Variants in TAF15 observed in about 807,000 individuals in gnomAD.
TAF15 encodes the protein TATA-binding protein-associated factor 2N.
Under a neutral mutation model 102.5 loss-of-function variants are expected in TAF15, and 37 were observed. The observed-to-expected ratio is 0.36, with a 90% CI of 0.28 to 0.47. TAF15 has a LOEUF of 0.47. Ranked by LOEUF, TAF15 falls within the 20% of genes least tolerant of loss-of-function variation. The pLI is 0.99. For missense variants in TAF15, 652 were observed against 760.7 expected (o/e 0.86, Z 1.68); for synonymous variants, 273 against 259.2 (o/e 1.05, Z -0.51).
intron 11 of TAF15, among the ~76,000 whole-genome samples, chr17:35,840,308 G>T (rs2087528651): frequency 7.1e-6 from 1 of 141,466 alleles, no homozygotes; most frequent in Non-Finnish European, 1.5e-5. Context: ...CTGGAGTGCA[G>T]TGGCGCAATC....
At chr17:35,839,764 T>A (rs1174026387) in intron 11 of TAF15, among the ~76,000 whole-genome samples, 2 of 152,120 alleles carry the variant, frequency 1.3e-5, no homozygotes, top group Admixed American at 6.5e-5. Context: ...ACTGATAATA[T>A]TTCTTAATAA....
intron 15 of TAF15, among the ~76,000 whole-genome samples, chr17:35,845,614 G>C (rs148331165): frequency 6.6e-6 from 1 of 151,910 alleles, no homozygotes; most frequent in East Asian, 1.9e-4. Flanking sequence ...CTGGGTTCAC[G>C]CCATTCTGCC....
chr17:35,842,297 CTTT>C (rs2087557759), intron 11 of TAF15, 67 bp from the exon 12 acceptor site: 15 of 1,213,058 alleles, frequency 1.2e-5, no homozygotes, highest in Non-Finnish European at 1.7e-5. Context: ...ATTTCCAAGA[CTTT>C]TTCATTTTTG....
At chr17:35,826,144 C>T (rs529627047) in intron 7 of TAF15, among the ~76,000 whole-genome samples, 4 of 152,184 alleles carry the variant, frequency 2.6e-5, no homozygotes, top group African/African-American at 7.2e-5. Context: ...TAGATACTGA[C>T]TTATAAACTA....
intron 12 of TAF15, among the ~76,000 whole-genome samples, chr17:35,843,249 A>G (rs928222431): frequency 6.6e-6 from 1 of 151,872 alleles, no homozygotes; most frequent in Non-Finnish European, 1.5e-5. Flanking sequence ...TCAGCGTCCC[A>G]AGTAGCTGGG....
chr17:35,844,858 G>A lies in TAF15; in HGVS notation c.1559G>A (p.Gly520Glu). 1 of 1,606,700 alleles carries A rather than the reference G, an allele frequency of 6.2e-7. No individual in the cohort carries two copies. Among genetic ancestry groups the A allele is most frequent in the East Asian group, 2.2e-5 (1 of 44,794 alleles). The change falls in exon 15 of 16, where the codon GGA (glycine) becomes GAA (glutamate). Residue 520 changes from glycine (G) to glutamate (E), a missense_variant. Physicochemically the swap from Gly to Glu is moderately conservative, Grantham distance 98. Coordinates refer to ENST00000605844, the MANE Select transcript of TAF15 (RefSeq NM_139215.3). Reference protein sequence around the residue: ...GDRGGYGGDRGGYGGDRSRGG... With the variant: ...GDRGGYGGDREGYGGDRSRGG... ...CGAGGAGGTTATGGAGGAGATCGAG[G>A]AGGCTATGGAGGAGACAGAAGCCGG...
chr17:35,843,944 C>T (rs760062917), intron 12 of TAF15, 133 bp from the exon 13 acceptor site: 65 of 839,694 alleles, frequency 7.7e-5, no homozygotes, highest in Non-Finnish European at 1.3e-4. Flanking sequence ...ATTACAAAGT[C>T]CTGGTATAAG....
intron 7 of TAF15, among the ~76,000 whole-genome samples, chr17:35,829,613 CAG>C (rs2087375126): frequency 9.2e-6 from 1 of 108,930 alleles, no homozygotes; most frequent in African/African-American, 3.8e-5. Flanking sequence ...GCCTGGGAGA[CAG>C]AGCGAGACTC....
chr17:35,838,585 A>AG (rs1568274484), intron 11 of TAF15, 32 bp downstream of exon 11: 2 of 1,610,678 alleles, frequency 1.2e-6, no homozygotes, highest in Non-Finnish European at 1.7e-6. Flanking sequence ...TTCAGCATGA[A>AG]GTTGGATAAA....
At chr17:35,832,032 T>C (rs560158935) in intron 7 of TAF15, among the ~76,000 whole-genome samples, 4 of 151,980 alleles carry the variant, frequency 2.6e-5, no homozygotes, top group Non-Finnish European at 4.4e-5. Flanking sequence ...GAGCCAAGAT[T>C]GCGCCACTGC....
intron 15 of TAF15, among the ~76,000 whole-genome samples, chr17:35,845,965 A>G (rs548891262): frequency 6.6e-6 from 1 of 152,330 alleles, no homozygotes; most frequent in South Asian, 2.1e-4. Context: ...CAGATCATAT[A>G]TACTACCCTG....
At chr17:35,813,369 C>A (rs1378868608) in intron 1 of TAF15, among the ~76,000 whole-genome samples, 3 of 152,110 alleles carry the variant, frequency 2.0e-5, no homozygotes, top group Non-Finnish European at 4.4e-5. Context: ...CATGGTGGCT[C>A]ATGCCTATAA....
chr17:35,846,812 C>A, intron 15 of TAF15, 94 bp from the exon 16 acceptor site: 1 of 1,299,884 alleles, frequency 7.7e-7, no homozygotes, highest in South Asian at 1.2e-5. Flanking sequence ...AATTGTCTAG[C>A]TGATGCCAAT....
chr17:35,842,225 A>G (rs974750950), intron 11 of TAF15, 142 bp from the exon 12 acceptor site: 2 of 690,734 alleles, frequency 2.9e-6, no homozygotes, highest in African/African-American at 3.6e-5. Flanking sequence ...TAGCACTGTT[A>G]TCTTGACTCT....
chr17:35,823,220 G>A (rs1229622843), intron 6 of TAF15, among the ~76,000 whole-genome samples: 5 of 152,174 alleles, frequency 3.3e-5, no homozygotes, highest in African/African-American at 9.7e-5. Context: ...GTAAGTGTAA[G>A]TAAGTGCTTG....
At chr17:35,823,193 T>C (rs1392558588) in intron 6 of TAF15, among the ~76,000 whole-genome samples, 1 of 152,232 alleles carries the variant, frequency 6.6e-6, no homozygotes, top group Non-Finnish European at 1.5e-5. Flanking sequence ...TCATAGTAGG[T>C]GCTCAGTTGA....
At chr17:35,846,774 TA>T in intron 15 of TAF15, 131 bp from the exon 16 acceptor site, 2 of 909,424 alleles carry the variant, frequency 2.2e-6, no homozygotes, top group South Asian at 2.8e-5. Flanking sequence ...AGTACAGAAA[TA>T]AATGAGGCAT....
rs142234882 is a variant in TAF15, at chr17:35,818,026, A to G, written c.47+271A>G. 3.9e-3 allele frequency among the ~76,000 whole-genome samples: 594 copies of G among 152,000 alleles called. 7 individuals are homozygous for G. The highest frequency in any genetic ancestry group is 0.027 in the Admixed American group (418 of 15,282). Reference sequence around the variant, plus strand: ...AGCCTTAAATTCCTGGGCTTAAGCGATCCTCCTGCCTCAGTCTCCCAAGTA... The same window carrying G: ...AGCCTTAAATTCCTGGGCTTAAGCGGTCCTCCTGCCTCAGTCTCCCAAGTA... On this transcript the variant is annotated intron_variant, in intron 2 of 15. Coordinates refer to ENST00000605844, the MANE Select transcript of TAF15 (RefSeq NM_139215.3).
At chr17:35,818,814 GA>G (rs202084069) in intron 2 of TAF15, 347 of 129,662 alleles carry the variant, frequency 2.7e-3, no homozygotes, top group African/African-American at 5.0e-3. Context: ...ACCCTGTCTC[GA>G]AAAAAAAAAA....
Sources: gnomAD v4.1 joint callset for allele counts (sites outside exome capture counted in the v4.1 genomes callset) on GRCh38, gnomAD v4.1.1 for gene constraint, MANE v1.5 for transcripts, NCBI Gene and HGNC (gene_info 2026-07-23, HGNC 2026-07-21) for gene names.